DGCR2: variants seen among roughly 807,000 people sequenced by gnomAD.
DGCR2 encodes the protein DiGeorge syndrome critical region gene 2, also known as integral membrane protein DGCR2/IDD.
DGCR2 carries 24 observed loss-of-function variants against 51.6 expected under a neutral mutation model. The observed-to-expected ratio is 0.47, with a 90% CI of 0.34 to 0.65. DGCR2 has a LOEUF of 0.65. Ranked by LOEUF, DGCR2 falls within the 30% of genes least tolerant of loss-of-function variation. The probability of loss-of-function intolerance (pLI) is 0.01; values close to 1 mark genes in which losing one functional copy is unlikely to be tolerated. For synonymous variants in DGCR2, 340 were observed against 315.4 expected, an observed-to-expected ratio of 1.08 and a Z score of -0.82; for missense variants, 765 against 772.1, an observed-to-expected ratio of 0.99 and a Z score of 0.11.
At chr22:19,112,580 A>C (rs1442148524) in intron 1 of DGCR2, among the ~76,000 whole-genome samples, 1 of 143,312 alleles carries the variant, frequency 7.0e-6, no homozygotes, top group Non-Finnish European at 1.5e-5. Context: ...AGTAGCTGGG[A>C]CTACAGGCGT....
chr22:19,071,296 GA>G (rs1418870108), intron 2 of DGCR2, among the ~76,000 whole-genome samples: 4 of 152,218 alleles, frequency 2.6e-5, no homozygotes, highest in Non-Finnish European at 5.9e-5. Context: ...GTTCAACAAG[GA>G]AACAGAATCA....
chr22:19,119,485 C>T (rs915994865), intron 1 of DGCR2, among the ~76,000 whole-genome samples: 1 of 152,146 alleles, frequency 6.6e-6, no homozygotes, highest in African/African-American at 2.4e-5. Context: ...CCTGTAATTC[C>T]AGCACTTTGG....
intron 1 of DGCR2, among the ~76,000 whole-genome samples, chr22:19,117,883 G>A (rs1054836383): frequency 6.6e-6 from 1 of 152,178 alleles, no homozygotes; most frequent in African/African-American, 2.4e-5. Flanking sequence ...AAATCTACCA[G>A]TGGACAAACT....
intron 2 of DGCR2, among the ~76,000 whole-genome samples, chr22:19,084,579 A>G (rs1176133831): frequency 2.5e-4 from 24 of 96,438 alleles, no homozygotes; most frequent in African/African-American, 6.3e-4. Flanking sequence ...ACCCCGTCTG[A>G]GAAGTGAGGA....
intron 1 of DGCR2, among the ~76,000 whole-genome samples, chr22:19,111,791 T>G (rs1256656474): frequency 6.6e-6 from 1 of 152,060 alleles, no homozygotes; most frequent in African/African-American, 2.4e-5. Flanking sequence ...AAGCTCACAA[T>G]GTCAGCACTT....
At chr22:19,108,569 T>TAAAAAAAAAAAAAAAAA (rs55803042) in intron 1 of DGCR2, among the ~76,000 whole-genome samples, 5 of 90,790 alleles carry the variant, frequency 5.5e-5, no homozygotes, top group African/African-American at 1.8e-4. Flanking sequence ...AGAATTTATC[T>TAAAAAAAAAAAAAAAAA]AAAAAAAAAA....
In DGCR2 at chr22:19,041,434, A is replaced by T; in HGVS notation, c.1160-140T>A. ...GTGCCCCGCTGCCTACCCCTCGGCCACATTCGGCATCCCCATGAGACCCCT... is the reference window on the plus strand; with the variant it reads ...GTGCCCCGCTGCCTACCCCTCGGCCTCATTCGGCATCCCCATGAGACCCCT... On this transcript the variant is annotated intron_variant, in intron 8 of 9. Coordinates refer to ENST00000263196, the MANE Select transcript of DGCR2 (RefSeq NM_005137.3). The T allele has an allele frequency of 3.8e-6, 3 of 786,338 alleles. No homozygotes were observed. In the Admixed American group the frequency reaches 7.1e-5, roughly 19 times the overall value. The allele number at this position is 786,338 out of a possible 1,614,324, so 48.7% of individuals were successfully genotyped here. A position where few individuals can be genotyped will look rare whatever the true frequency, so the allele number is the denominator to read the frequency against.
intron 1 of DGCR2, among the ~76,000 whole-genome samples, chr22:19,110,911 G>A (rs970804381): frequency 6.6e-6 from 1 of 152,162 alleles, no homozygotes; most frequent in Non-Finnish European, 1.5e-5. Context: ...GCAGAAATAT[G>A]CAACAGCATT....
chr22:19,099,788 G>A (rs2083181522), intron 1 of DGCR2, among the ~76,000 whole-genome samples: 1 of 151,026 alleles, frequency 6.6e-6, no homozygotes. Context: ...GGCCAAGATG[G>A]TGAAACCTTG....
intron 6 of DGCR2, among the ~76,000 whole-genome samples, chr22:19,052,933 C>T (rs11912290): frequency 0.13 from 19,912 of 152,162 alleles, 2,125 homozygotes; most frequent in African/African-American, 0.29. Flanking sequence ...AAAGGCCAGA[C>T]CACATATGAC....
chr22:19,043,388 A>G (rs1262519096), intron 7 of DGCR2, among the ~76,000 whole-genome samples: 1 of 152,124 alleles, frequency 6.6e-6, no homozygotes, highest in Non-Finnish European at 1.5e-5. Context: ...TGAGCTGCCC[A>G]TGGGGAGGCA....
At chr22:19,085,954 AAG>A (rs1280614076) in intron 2 of DGCR2, among the ~76,000 whole-genome samples, 3 of 152,166 alleles carry the variant, frequency 2.0e-5, no homozygotes, top group Middle Eastern at 6.8e-3. Flanking sequence ...CACAAACACA[AAG>A]AGTTTCCTTT....
intron 1 of DGCR2, among the ~76,000 whole-genome samples, chr22:19,092,180 C>A (rs568982339): frequency 2.0e-5 from 3 of 151,980 alleles, no homozygotes; most frequent in African/African-American, 7.2e-5. Context: ...ACCCTGTCTA[C>A]TAAAAATACA....
intron 7 of DGCR2, among the ~76,000 whole-genome samples, chr22:19,042,597 C>T (rs139150233): frequency 4.6e-5 from 7 of 152,232 alleles, no homozygotes; most frequent in African/African-American, 1.7e-4. Context: ...GGGCGGCTGC[C>T]GTAGGGAGGA....
intron 2 of DGCR2, among the ~76,000 whole-genome samples, chr22:19,071,574 T>C (rs904119057): frequency 6.6e-6 from 1 of 151,984 alleles, no homozygotes; most frequent in Non-Finnish European, 1.5e-5. Context: ...ACTCTTCAAA[T>C]ATGGCAATGT....
Position 19,122,304 on chromosome 22 carries a change from A to G in DGCR2, c.-98T>C, listed in dbSNP as rs1601328036. The G allele has an allele frequency of 3.9e-6, 4 of 1,012,966 alleles. No individual in the cohort carries two copies. Among genetic ancestry groups the G allele is most frequent in the Non-Finnish European group, 5.4e-6 (4 of 738,112 alleles). 62.7% of individuals were successfully genotyped at this position (1,012,966 alleles called of 1,614,324 possible). Reference sequence around the variant, plus strand: ...CCAAGCGGAGGGTCAGGCGGAGCTGAACCTGGGCGAGGCGCGGAGAGGCGG... The same window carrying G: ...CCAAGCGGAGGGTCAGGCGGAGCTGGACCTGGGCGAGGCGCGGAGAGGCGG... On this transcript the variant is annotated 5_prime_UTR_variant, in exon 1 of 10. Coordinates refer to ENST00000263196, the MANE Select transcript of DGCR2 (RefSeq NM_005137.3).
At position 19,041,879 on chromosome 22, in the gene DGCR2, G is replaced by A. The variant is rs774333413; in HGVS notation, c.1087C>T (p.Leu363=). 9.9e-6 allele frequency: 16 copies of A among 1,613,546 alleles called. No homozygotes were observed. The African/African-American group carries it at 2.1e-4, about 22-fold the overall frequency. ...AGCCGGTGGACCATGAAGAGCAGCA[G>A]TGACAGGATGAGGAAGGAGGAGATG... ...SCISSFLILS[L]LLFMVHRLRQ... Residue 363 remains leucine (L), a synonymous_variant, in exon 8 of 10, where the codon CTG becomes TTG. Transcript: ENST00000263196.
chr22:19,080,713 G>C (rs2082926579), intron 2 of DGCR2, among the ~76,000 whole-genome samples: 1 of 152,198 alleles, frequency 6.6e-6, no homozygotes. Flanking sequence ...GTACACGCCT[G>C]TAGTCTCAGC....
rs144165858 is a variant in DGCR2, at chr22:19,056,174, G to A, written c.802+812C>T. ...ACTAAAAACACAAAAAATTAGCCGGGCGTGGTGGCAGGCACCTGTAGTCCC... is the reference window on the plus strand; with the variant it reads ...ACTAAAAACACAAAAAATTAGCCGGACGTGGTGGCAGGCACCTGTAGTCCC... On this transcript the variant is annotated intron_variant, in intron 6 of 9. Coordinates refer to ENST00000263196, the MANE Select transcript of DGCR2 (RefSeq NM_005137.3). Among the ~76,000 whole-genome samples, 1,043 of 152,156 alleles carry A rather than the reference G, an allele frequency of 6.9e-3. 32 individuals are homozygous for A. In the East Asian group the frequency reaches 0.077, roughly 11 times the overall value.
Sources: gnomAD v4.1 joint callset for allele counts (sites outside exome capture counted in the v4.1 genomes callset) on GRCh38, gnomAD v4.1.1 for gene constraint, MANE v1.5 for transcripts, NCBI Gene and HGNC (gene_info 2026-07-23, HGNC 2026-07-21) for gene names.